KIT: variants seen among roughly 807,000 people sequenced by gnomAD.
The protein encoded by KIT is mast/stem cell growth factor receptor Kit.
A neutral mutation model predicts 105.7 loss-of-function variants in KIT; 16 were observed. The observed-to-expected ratio is 0.15, with a 90% CI of 0.10 to 0.23. KIT has a LOEUF of 0.23. Ranked by LOEUF, KIT falls within the 10% of genes least tolerant of loss-of-function variation. KIT has a pLI of 1.00. For synonymous variants in KIT, 438 were observed against 441.1 expected, an observed-to-expected ratio of 0.99 and a Z score of 0.09; for missense variants, 858 against 1,213.8, an observed-to-expected ratio of 0.71 and a Z score of 4.36.
At chr4:54,731,180 C>T in intron 14 of KIT, 148 bp from the exon 15 acceptor site, 1 of 698,540 alleles carries the variant, frequency 1.4e-6, no homozygotes, top group Non-Finnish European at 2.6e-6. Context: ...ACAGGATTTT[C>T]AAACTCTTTA....
At chr4:54,672,575 A>AG (rs1052739463) in intron 1 of KIT, among the ~76,000 whole-genome samples, 2 of 152,124 alleles carry the variant, frequency 1.3e-5, no homozygotes, top group Admixed American at 1.3e-4. Flanking sequence ...GGGGATTGGA[A>AG]GTAATATTCT....
intron 1 of KIT, among the ~76,000 whole-genome samples, chr4:54,679,804 T>A (rs1246471428): frequency 6.6e-6 from 1 of 152,198 alleles, no homozygotes; most frequent in Non-Finnish European, 1.5e-5. Context: ...AAATATAGCA[T>A]ATACACAGTG....
At chr4:54,697,382 T>C (rs1720144719) in intron 2 of KIT, among the ~76,000 whole-genome samples, 2 of 152,192 alleles carry the variant, frequency 1.3e-5, no homozygotes, top group South Asian at 4.1e-4. Context: ...AAAAACAGAT[T>C]TTAAATGTAA....
chr4:54,686,692 G>T (rs978288699), intron 1 of KIT, among the ~76,000 whole-genome samples: 1 of 152,024 alleles, frequency 6.6e-6, no homozygotes, highest in Admixed American at 6.5e-5. Context: ...CTACAGGAGC[G>T]TGCCACCACA....
chr4:54,724,795 T>C (rs1361441171), intron 8 of KIT, among the ~76,000 whole-genome samples: 1 of 152,186 alleles, frequency 6.6e-6, no homozygotes. Context: ...CATAATGTTT[T>C]AAGCTTCATG....
rs148248559 is a variant in KIT, at chr4:54,727,264, C to T, written c.1587C>T (p.Phe529=). Residue 529 remains phenylalanine (F), a synonymous_variant, in exon 10 of 21, where the codon TTC becomes TTT. Transcript: ENST00000288135. Reference sequence around the variant, plus strand: ...TGTTCACTCCTTTGCTGATTGGTTTCGTAATCGTAGCTGGCATGATGTGCA... The same window carrying T: ...TGTTCACTCCTTTGCTGATTGGTTTTGTAATCGTAGCTGGCATGATGTGCA... ...HTLFTPLLIG[F]VIVAGMMCII... 9.0e-5 allele frequency: 145 copies of T among 1,614,110 alleles called. No homozygotes were observed. The Admixed American group carries it at 1.6e-3, about 18-fold the overall frequency.
At position 54,680,494 on chromosome 4, in the gene KIT, C is replaced by T. The variant is rs576374194; in HGVS notation, c.68-15018C>T. 7.8e-4 allele frequency among the ~76,000 whole-genome samples: 118 copies of T among 150,552 alleles called. 1 individual carries two copies. Among genetic ancestry groups the T allele is most frequent in the African/African-American group, 2.6e-3 (105 of 40,620 alleles). On this transcript the variant is annotated intron_variant, in intron 1 of 20. Coordinates refer to ENST00000288135, the MANE Select transcript of KIT (RefSeq NM_000222.3). ...GCAACCTCCGCCTCCCCAGTTCAAG[C>T]GATTCTCCTGCCTCAGCCTGCCGAG...
chr4:54,736,390 G>C, intron 17 of KIT, 108 bp from the exon 18 acceptor site: 1 of 874,054 alleles, frequency 1.1e-6, no homozygotes, highest in Non-Finnish European at 1.9e-6. Flanking sequence ...TGGTACTCAA[G>C]TTATCACTCC....
chr4:54,691,430 A>G (rs112937847), intron 1 of KIT, among the ~76,000 whole-genome samples: 2 of 152,200 alleles, frequency 1.3e-5, no homozygotes, highest in East Asian at 1.9e-4. Context: ...AACAACATCC[A>G]TGAAGAGGCT....
At chr4:54,693,130 G>T (rs548602776) in intron 1 of KIT, among the ~76,000 whole-genome samples, 1 of 152,320 alleles carries the variant, frequency 6.6e-6, no homozygotes, top group African/African-American at 2.4e-5. Flanking sequence ...ACCCAAGGGA[G>T]AGGTCTGCAT....
At position 54,693,231 on chromosome 4, in the gene KIT, G is replaced by A. The variant is rs552353916; in HGVS notation, c.68-2281G>A. 4.6e-5 allele frequency among the ~76,000 whole-genome samples: 7 copies of A among 152,286 alleles called. No individual in the cohort carries two copies. The South Asian group carries it at 1.5e-3, about 32-fold the overall frequency. On this transcript the variant is annotated intron_variant, in intron 1 of 20. Transcript: ENST00000288135. ...CAGCAGTCTCTTTGTAACCAGATTA[G>A]GGGTCTTTTGTTCATTCCCTGCCAT...
At chr4:54,711,911 T>A (rs3134886) in intron 7 of KIT, among the ~76,000 whole-genome samples, 136,827 of 147,614 alleles carry the variant, frequency 0.93, 64,339 homozygotes, top group Middle Eastern at 1. Context: ...CCTGGGCGAC[T>A]GAACGAGAGT....
At chr4:54,676,715 C>G (rs1485374062) in intron 1 of KIT, among the ~76,000 whole-genome samples, 3 of 152,188 alleles carry the variant, frequency 2.0e-5, no homozygotes, top group Non-Finnish European at 4.4e-5. Flanking sequence ...AGATCCCTTT[C>G]AAGCCTCCAG....
intron 1 of KIT, among the ~76,000 whole-genome samples, chr4:54,687,088 A>G (rs527734406): frequency 6.6e-6 from 1 of 152,204 alleles, no homozygotes; most frequent in African/African-American, 2.4e-5. Flanking sequence ...AAAAAAATAC[A>G]TTTGATTTTA....
chr4:54,736,738 G>GCTTCCTGAACTTA lies in KIT; in HGVS notation c.2614_2615insCTTCCTGAACTTA (p.Gly872AlafsTer3). ...TGTCTCAGGAAGCAGCCCCTATCCT[G>GCTTCCTGAACTTA]GAATGCCGGTCGATTCTAAGTTCTA... On this transcript the variant is annotated stop_gained and frameshift_variant, in exon 19 of 21. Transcript: ENST00000288135. LOFTEE classifies it high-confidence loss of function. The GCTTCCTGAACTTA allele has an allele frequency of 6.2e-7, 1 of 1,614,086 alleles. No homozygotes were observed. The highest frequency in any genetic ancestry group is 8.5e-7 in the Non-Finnish European group (1 of 1,179,982).
rs116506027 is a variant in KIT, at chr4:54,687,433, C to T, written c.68-8079C>T. Among the ~76,000 whole-genome samples the T allele has an allele frequency of 6.1e-3, 931 of 151,860 alleles. 11 individuals are homozygous for T. Among genetic ancestry groups the T allele is most frequent in the African/African-American group, 0.021 (888 of 41,426 alleles). ...AGCCTGGGCGACGACAGAGCAAGAC[C>T]CCATCTCCAAAAAAAAAATAAAAAA... On this transcript the variant is annotated intron_variant, in intron 1 of 20. Transcript: ENST00000288135.
At chr4:54,674,408 C>G (rs1718323644) in intron 1 of KIT, among the ~76,000 whole-genome samples, 1 of 152,180 alleles carries the variant, frequency 6.6e-6, no homozygotes, top group Admixed American at 6.5e-5. Context: ...CAGTGAGTGC[C>G]TGATAGTGGT....
intron 6 of KIT, among the ~76,000 whole-genome samples, chr4:54,707,637 T>C (rs1193100053): frequency 2.0e-5 from 3 of 152,208 alleles, no homozygotes; most frequent in African/African-American, 7.2e-5. Flanking sequence ...TATAATTGTT[T>C]CTTAAAGCTG....
intron 14 of KIT, among the ~76,000 whole-genome samples, chr4:54,729,906 A>C (rs1722482454): frequency 6.6e-6 from 1 of 152,176 alleles, no homozygotes; most frequent in Non-Finnish European, 1.5e-5. Flanking sequence ...CTTTAGCAGA[A>C]TGACAAAGAG....
Sources: gnomAD v4.1 joint callset for allele counts (sites outside exome capture counted in the v4.1 genomes callset) on GRCh38, gnomAD v4.1.1 for gene constraint, MANE v1.5 for transcripts, NCBI Gene and HGNC (gene_info 2026-07-23, HGNC 2026-07-21) for gene names.